Variants in CPNE2 observed in about 807,000 individuals in gnomAD.
CPNE2 encodes copine-2.
A neutral mutation model predicts 69.7 loss-of-function variants in CPNE2; 42 were observed. That is an observed-to-expected ratio of 0.60 (90% CI 0.47 to 0.78). The LOEUF (loss-of-function observed/expected upper bound fraction) is 0.78, where lower values mean the gene tolerates loss of function less well. Among genes scored for constraint, CPNE2 ranks in the 30% least tolerant of loss-of-function variants. CPNE2 has a pLI of 0.00. For missense variants in CPNE2, 587 were observed against 732.0 expected, an observed-to-expected ratio of 0.80 and a Z score of 2.29; for synonymous variants, 294 against 289.8, an observed-to-expected ratio of 1.01 and a Z score of -0.15.
intron 1 of CPNE2, among the ~76,000 whole-genome samples, chr16:57,099,679 C>A (rs2069600771): frequency 6.6e-6 from 1 of 151,830 alleles, no homozygotes; most frequent in Middle Eastern, 3.4e-3. Flanking sequence ...CTTGCTGCAA[C>A]TTCCACACCC....
chr16:57,127,822 G>C, intron 11 of CPNE2, 27 bp from the exon 12 acceptor site: 1 of 1,613,676 alleles, frequency 6.2e-7, no homozygotes, highest in Non-Finnish European at 8.5e-7. Flanking sequence ...GTGTCTTACA[G>C]TGTGTTTCTC....
chr16:57,129,631 C>G (rs754878529), intron 12 of CPNE2, among the ~76,000 whole-genome samples: 3 of 152,168 alleles, frequency 2.0e-5, no homozygotes, highest in Non-Finnish European at 4.4e-5. Context: ...TCTTCCTGGC[C>G]AGCATGGCAA....
Position 57,148,028 on chromosome 16 carries a change from C to T in CPNE2, c.*370C>T, listed in dbSNP as rs1286490280. On this transcript the variant is annotated 3_prime_UTR_variant, in exon 16 of 16. Coordinates refer to ENST00000290776, the MANE Select transcript of CPNE2 (RefSeq NM_152727.6). The stretch of plus-strand genomic sequence containing the variant: ...GAAAGAAACATGTCCTTGGTGCATA[C>T]GTGTCGTAGCCTGCACCTAATTAAT... 4 of 174,990 alleles carry T rather than the reference C, an allele frequency of 2.3e-5. No individual in the cohort carries two copies. The Admixed American group carries it at 2.5e-4, about 11-fold the overall frequency. 10.8% of individuals were successfully genotyped at this position (174,990 alleles called of 1,614,324 possible).
At chr16:57,117,389 C>T in intron 4 of CPNE2, 107 bp from the exon 5 acceptor site, 1 of 1,117,276 alleles carries the variant, frequency 9.0e-7, no homozygotes, top group South Asian at 1.4e-5. Flanking sequence ...ACTGCCCTTC[C>T]CTTCCCCCTC....
intron 2 of CPNE2, among the ~76,000 whole-genome samples, chr16:57,112,555 GC>G (rs2069688402): frequency 6.6e-6 from 1 of 152,106 alleles, no homozygotes; most frequent in African/African-American, 2.4e-5. Context: ...CACAGCCTGG[GC>G]CCCAAAATAG....
At chr16:57,111,420 C>T (rs2069681437) in intron 2 of CPNE2, among the ~76,000 whole-genome samples, 1 of 152,222 alleles carries the variant, frequency 6.6e-6, no homozygotes, top group Admixed American at 6.5e-5. Flanking sequence ...TCAAGCAATC[C>T]ACCTGCCTCC....
Position 57,125,777 on chromosome 16 carries a change from A to G in CPNE2, c.928-83A>G, listed in dbSNP as rs373296093. On this transcript the variant is annotated intron_variant, in intron 10 of 15. Transcript: ENST00000290776. ...GAGATGAGTGGGCTTCCCATGTCCCATCTACCTCTCCTATTCCCTGGGAGT... is the reference window on the plus strand; with the variant it reads ...GAGATGAGTGGGCTTCCCATGTCCCGTCTACCTCTCCTATTCCCTGGGAGT... 5,082 of 1,560,498 alleles carry G rather than the reference A, an allele frequency of 3.3e-3. 94 individuals are homozygous for G. The South Asian group carries it at 0.033, about 10-fold the overall frequency.
chr16:57,127,941 T>C (rs771182407), intron 12 of CPNE2, 38 bp downstream of exon 12: 1 of 1,607,316 alleles, frequency 6.2e-7, no homozygotes, highest in East Asian at 2.2e-5. Context: ...TTGGTTGAGA[T>C]GGGGTTTGTG....
chr16:57,126,219 A>C (rs764727317), intron 11 of CPNE2, among the ~76,000 whole-genome samples: 4 of 152,236 alleles, frequency 2.6e-5, no homozygotes, highest in Non-Finnish European at 5.9e-5. Flanking sequence ...TTTTCTACAC[A>C]GTACACCAAG....
At chr16:57,141,522 G>C (rs2069922601) in intron 14 of CPNE2, 1 of 152,278 alleles carries the variant, frequency 6.6e-6, no homozygotes, top group Non-Finnish European at 1.5e-5. Context: ...CTCCCACTCT[G>C]ATGTCCAAGA....
intron 5 of CPNE2, among the ~76,000 whole-genome samples, chr16:57,117,799 A>G (rs2145254613): frequency 6.6e-6 from 1 of 152,256 alleles, no homozygotes; most frequent in East Asian, 1.9e-4. Flanking sequence ...TCATTGGGGC[A>G]TCCCCATCTC....
At chr16:57,095,925 G>A (rs1362833399) in intron 1 of CPNE2, among the ~76,000 whole-genome samples, 3 of 152,186 alleles carry the variant, frequency 2.0e-5, no homozygotes, top group African/African-American at 4.8e-5. Context: ...ACTCATTGGT[G>A]CACCAGCTTA....
intron 9 of CPNE2, among the ~76,000 whole-genome samples, chr16:57,122,128 C>G (rs560560433): frequency 6.6e-6 from 1 of 152,238 alleles, no homozygotes; most frequent in Non-Finnish European, 1.5e-5. Flanking sequence ...CCTGTCCTCT[C>G]TGGCATCAGC....
chr16:57,093,853 C>T (rs1428769033), intron 1 of CPNE2: 9 of 339,062 alleles, frequency 2.7e-5, no homozygotes, highest in Non-Finnish European at 4.1e-5. Flanking sequence ...TTTCAGGAAA[C>T]AGGCGGTGTG....
chr16:57,132,261 G>C lies in CPNE2; in HGVS notation c.1117-2514G>C, dbSNP rs567524841. On this transcript the variant is annotated intron_variant, in intron 12 of 15. Transcript: ENST00000290776. The stretch of plus-strand genomic sequence containing the variant: ...AACTCCTGCCCCAGAGAGTGGCTGA[G>C]GGTCTCAGGACGCGTTTCCCTTTGG... Among the ~76,000 whole-genome samples the C allele has an allele frequency of 2.6e-5, 4 of 152,344 alleles. No individual in the cohort carries two copies. The South Asian group carries it at 8.3e-4, about 32-fold the overall frequency.
At chr16:57,113,680 G>A (rs776765464) in intron 3 of CPNE2, among the ~76,000 whole-genome samples, 1 of 152,252 alleles carries the variant, frequency 6.6e-6, no homozygotes, top group Non-Finnish European at 1.5e-5. Context: ...CAGGATCTGG[G>A]GCCCCAGGTG....
chr16:57,094,643 C>G (rs556047564), intron 1 of CPNE2, among the ~76,000 whole-genome samples: 2 of 152,246 alleles, frequency 1.3e-5, no homozygotes, highest in Admixed American at 1.3e-4. Flanking sequence ...CTTATTGGTA[C>G]GTGGTGAGTG....
intron 2 of CPNE2, 44 bp from the exon 3 acceptor site, chr16:57,113,244 C>G: frequency 6.3e-7 from 1 of 1,590,212 alleles, no homozygotes; most frequent in Non-Finnish European, 8.6e-7. Context: ...GGTCTTGGAC[C>G]AGCTGCCTTG....
intron 1 of CPNE2, among the ~76,000 whole-genome samples, chr16:57,095,129 A>G (rs2069570365): frequency 6.6e-6 from 1 of 152,156 alleles, no homozygotes; most frequent in Admixed American, 6.5e-5. Flanking sequence ...CCCTTGCAGA[A>G]TATGGCCTCA....
Sources: gnomAD v4.1 joint callset for allele counts (sites outside exome capture counted in the v4.1 genomes callset) on GRCh38, gnomAD v4.1.1 for gene constraint, MANE v1.5 for transcripts, NCBI Gene and HGNC (gene_info 2026-07-23, HGNC 2026-07-21) for gene names.